The following KRT36 variants were observed in gnomAD, a reference collection of about 807,000 sequenced individuals.
KRT36 encodes keratin, type I cuticular Ha6.
In KRT36, 41 loss-of-function variants were observed where a neutral mutation model predicts 43.0. The ratio of observed to expected loss-of-function variants is 0.95; its 90% CI spans 0.74 to 1.24. The LOEUF (loss-of-function observed/expected upper bound fraction) is 1.24. KRT36 is among the 50% of genes most tolerant of loss of function. KRT36 has a pLI of 0.00. For synonymous variants in KRT36, 277 were observed against 252.9 expected, an observed-to-expected ratio of 1.10 and a Z score of -0.90; for missense variants, 627 against 595.3, an observed-to-expected ratio of 1.05 and a Z score of -0.55.
chr17:41,488,632 G>T lies in KRT36; in HGVS notation c.542+10C>A, dbSNP rs750618890. ...GGCATGGCAAACCTTCCCTGATCAGGCCCACTCACTTGGTCCGGAAGTCGT... is the reference window on the plus strand; with the variant it reads ...GGCATGGCAAACCTTCCCTGATCAGTCCCACTCACTTGGTCCGGAAGTCGT... On this transcript the variant is annotated intron_variant, in intron 2 of 6. Coordinates refer to ENST00000328119, the MANE Select transcript of KRT36 (RefSeq NM_003771.5). The T allele has an allele frequency of 1.2e-6, 2 of 1,613,104 alleles. No homozygotes were observed. The highest frequency in any genetic ancestry group is 1.1e-5 in the South Asian group (1 of 91,068).
chr17:41,487,408 G>T lies in KRT36; in HGVS notation c.930C>A (p.Ile310=). Reference sequence around the variant, plus strand: ...GCGCGTTGACCGTACGTCTCAGCTCGATGATCTCCGTCTGGCAGCACTGCA... The same window carrying T: ...GCGCGTTGACCGTACGTCTCAGCTCTATGATCTCCGTCTGGCAGCACTGCA... ...EQLQCCQTEI[I]ELRRTVNALE... is the part of the protein sequence containing the mutation. The change falls in exon 5 of 7, where the codon ATC becomes ATA. Residue 310 remains isoleucine, a synonymous_variant. Coordinates refer to ENST00000328119, the MANE Select transcript of KRT36 (RefSeq NM_003771.5). The T allele has an allele frequency of 1.2e-6, 2 of 1,613,922 alleles. No homozygotes were observed. The highest frequency in any genetic ancestry group is 1.7e-6 in the Non-Finnish European group (2 of 1,179,898).
At position 41,487,581 on chromosome 17, in the gene KRT36, T is replaced by C. The variant is rs767968407; in HGVS notation, c.856A>G (p.Thr286Ala). ...CCAGGGCACCCCAGCCCCACCTGGG[T>C]GTTGAACCAGGCCTCCACATCTCTG... Reference protein sequence around the residue: ...NRRDVEAWFNTQTEELNQQVV... With the variant: ...NRRDVEAWFNAQTEELNQQVV... The change falls in exon 4 of 7, where the codon ACC becomes GCC. Residue 286 changes from threonine to alanine, a missense_variant. By Grantham distance (58) the Thr-to-Ala change is moderately conservative. Coordinates refer to ENST00000328119, the MANE Select transcript of KRT36 (RefSeq NM_003771.5). 1 of 1,613,962 alleles carries C rather than the reference T, an allele frequency of 6.2e-7. No homozygotes were observed. Among genetic ancestry groups the C allele is most frequent in the South Asian group, 1.1e-5 (1 of 91,066 alleles).
At chr17:41,488,918 C>T (rs775277891) in intron 1 of KRT36, among the ~76,000 whole-genome samples, 194 bp from the exon 2 acceptor site, 5 of 152,196 alleles carry the variant, frequency 3.3e-5, no homozygotes, top group Non-Finnish European at 5.9e-5. Context: ...CAGTGACCAT[C>T]AGTCCTGGCG....
Position 41,489,673 on chromosome 17 carries a change from A to C in KRT36, c.192T>G (p.Pro64=), listed in dbSNP as rs1310576703. 1 of 1,614,206 alleles carries C rather than the reference A, an allele frequency of 6.2e-7. No homozygotes were observed. Among genetic ancestry groups the C allele is most frequent in the Non-Finnish European group, 8.5e-7 (1 of 1,180,030 alleles). The change falls in exon 1 of 7, where the codon CCT becomes CCG. Residue 64 remains proline (P), a synonymous_variant. Coordinates refer to ENST00000328119, the MANE Select transcript of KRT36 (RefSeq NM_003771.5). ...GGCACTCAGAAGACAGGTAGGAGCCAGGCAAGCAGCTCCCAAGGCCAGAGA... is the reference window on the plus strand; with the variant it reads ...GGCACTCAGAAGACAGGTAGGAGCCCGGCAAGCAGCTCCCAAGGCCAGAGA... ...SGLSGLGSCL[P]GSYLSSECHT... is the part of the protein sequence containing the mutation.
rs1250956315 is a variant in KRT36, at chr17:41,486,458, G to A, written c.1322C>T (p.Thr441Ile). The change falls in exon 7 of 7, where the codon ACT becomes ATT. Residue 441 changes from threonine (T) to isoleucine (I), a missense_variant. By Grantham distance (89) the Thr-to-Ile change is moderately conservative (BLOSUM62 -1). Coordinates refer to ENST00000328119, the MANE Select transcript of KRT36 (RefSeq NM_003771.5). ...VPCTPAPQVGTQIRTITEEIR... is the reference protein window; with the variant it reads ...VPCTPAPQVGIQIRTITEEIR... The stretch of plus-strand genomic sequence containing the variant: ...CTCCTCGGTGATGGTGCGGATCTGA[G>A]TGCCAACCTGGGGAGCCGGGGTGCA... 1.9e-6 allele frequency: 3 copies of A among 1,614,116 alleles called. No individual in the cohort carries two copies. Among genetic ancestry groups the A allele is most frequent in the South Asian group, 1.1e-5 (1 of 91,074 alleles).
rs1904502133 is a variant in KRT36, at chr17:41,489,505, C to T, written c.360G>A (p.Glu120=). The T allele has an allele frequency of 6.2e-7, 1 of 1,614,224 alleles. No individual in the cohort carries two copies. Among genetic ancestry groups the T allele is most frequent in the Non-Finnish European group, 8.5e-7 (1 of 1,180,042 alleles). ...KVRQLERENA[E]LESRIQEWYE... ...ACCACTCCTGGATGCGGCTCTCCAGCTCCGCGTTCTCCCGCTCCAGCTGAC... is the reference window on the plus strand; with the variant it reads ...ACCACTCCTGGATGCGGCTCTCCAGTTCCGCGTTCTCCCGCTCCAGCTGAC... The change falls in exon 1 of 7, where the codon GAG becomes GAA. Residue 120 remains glutamate (E), a synonymous_variant. Coordinates refer to ENST00000328119, the MANE Select transcript of KRT36 (RefSeq NM_003771.5).
rs1181341426 is a variant in KRT36, at chr17:41,486,453, T to C, written c.1327A>G (p.Ile443Val). ...CTGATCTCCTCGGTGATGGTGCGGATCTGAGTGCCAACCTGGGGAGCCGGG... is the reference window on the plus strand; with the variant it reads ...CTGATCTCCTCGGTGATGGTGCGGACCTGAGTGCCAACCTGGGGAGCCGGG... ...CTPAPQVGTQ[I>V]RTITEEIRDG... The change falls in exon 7 of 7, where the codon ATC becomes GTC. Residue 443 changes from isoleucine (I) to valine (V), a missense_variant. Ile to Val is a conservative substitution (Grantham distance 29, BLOSUM62 3). Transcript: ENST00000328119. 1.2e-6 allele frequency: 2 copies of C among 1,613,934 alleles called. No individual in the cohort carries two copies. Among genetic ancestry groups the C allele is most frequent in the Non-Finnish European group, 1.7e-6 (2 of 1,179,988 alleles).
chr17:41,488,316 C>T lies in KRT36; in HGVS notation c.626G>A (p.Cys209Tyr), dbSNP rs1904462509. 6.8e-6 allele frequency: 11 copies of T among 1,614,186 alleles called. No homozygotes were observed. Among genetic ancestry groups the T allele is most frequent in the Non-Finnish European group, 7.6e-6 (9 of 1,180,012 alleles). The change falls in exon 3 of 7, where the codon TGC (cysteine) becomes TAC (tyrosine). Residue 209 changes from cysteine to tyrosine, a missense_variant. By Grantham distance (194) the Cys-to-Tyr change is radical. Transcript: ENST00000328119. Reference protein sequence around the residue: ...LRRILDELTLCKADLEAQVES... With the variant: ...LRRILDELTLYKADLEAQVES... The stretch of plus-strand genomic sequence containing the variant: ...CACCTGAGCCTCCAGGTCAGCCTTG[C>T]ACAGGGTCAGCTCATCCAGGATCCT...
intron 5 of KRT36, 47 bp from the exon 6 acceptor site, chr17:41,487,217 G>A (rs759174111): frequency 6.3e-7 from 1 of 1,587,686 alleles, no homozygotes; most frequent in South Asian, 1.1e-5. Flanking sequence ...GGAATCCCCT[G>A]ACCCCAGAAA....
rs140841887 is a variant in KRT36, at chr17:41,487,014, C to G, written c.1144G>C (p.Val382Leu). 4.3e-6 allele frequency: 7 copies of G among 1,614,012 alleles called. No homozygotes were observed. Among genetic ancestry groups the G allele is most frequent in the African/African-American group, 2.7e-5 (2 of 74,928 alleles). ...ATCTCGCCCTCCAGCCGGGCCTTGACGTCCAGTAACACCTGGTACTCCTGG... is the reference window on the plus strand; with the variant it reads ...ATCTCGCCCTCCAGCCGGGCCTTGAGGTCCAGTAACACCTGGTACTCCTGG... ...QNQEYQVLLD[V>L]KARLEGEIAT... is the part of the protein sequence containing the mutation. Residue 382 changes from valine (V) to leucine (L), a missense_variant, in exon 6 of 7, where the codon GTC becomes CTC. By Grantham distance (32) the Val-to-Leu change is conservative (BLOSUM62 1). Coordinates refer to ENST00000328119, the MANE Select transcript of KRT36 (RefSeq NM_003771.5).
Position 41,487,397 on chromosome 17 carries a change from C to T in KRT36, c.941G>A (p.Arg314His), listed in dbSNP as rs1430111265. The change falls in exon 5 of 7, where the codon CGT becomes CAT. Residue 314 changes from arginine to histidine, a missense_variant. Coordinates refer to ENST00000328119, the MANE Select transcript of KRT36 (RefSeq NM_003771.5). ...CTCAATCTCTAGCGCGTTGACCGTA[C>T]GTCTCAGCTCGATGATCTCCGTCTG... ...CCQTEIIELRRTVNALEIELQ... is the reference protein window; with the variant it reads ...CCQTEIIELRHTVNALEIELQ... The T allele has an allele frequency of 6.8e-6, 11 of 1,613,616 alleles. No homozygotes were observed. Among genetic ancestry groups the T allele is most frequent in the Admixed American group, 6.7e-5 (4 of 59,990 alleles).
Position 41,489,838 on chromosome 17 carries a change from G to A in KRT36, c.27C>T (p.Thr9=), listed in dbSNP as rs529324683. ...GGCCCTTGATAGACCCAGTGGAGAA[G>A]GTAGGGGTGCAGGTCTGGGTGGCCA... is the stretch of plus-strand genomic sequence containing the variant. MATQTCTP[T]FSTGSIKGLC... The change falls in exon 1 of 7, where the codon ACC becomes ACT. Residue 9 remains threonine (T), a synonymous_variant. Transcript: ENST00000328119. 6 of 1,613,264 alleles carry A rather than the reference G, an allele frequency of 3.7e-6. No individual in the cohort carries two copies. The highest frequency in any genetic ancestry group is 1.6e-4 in the Middle Eastern group (1 of 6,062).
At chr17:41,488,800 A>C in intron 1 of KRT36, 76 bp from the exon 2 acceptor site, 13 of 1,221,880 alleles carry the variant, frequency 1.1e-5, no homozygotes, top group Non-Finnish European at 1.5e-5. Flanking sequence ...AGCTCAGCTC[A>C]CAGAGGCCAT....
rs776937464 is a variant in KRT36, at chr17:41,488,203, G to A, written c.699+40C>T. 8.1e-6 allele frequency: 13 copies of A among 1,598,490 alleles called. No individual in the cohort carries two copies. The African/African-American group carries it at 1.3e-4, about 16-fold the overall frequency. ...AAGCCCAGCAGTGGCTTCCTAAGCT[G>A]GATGGGAAACACTGGGAAGTCACAT... is the stretch of plus-strand genomic sequence containing the variant. On this transcript the variant is annotated intron_variant, in intron 3 of 6. Coordinates refer to ENST00000328119, the MANE Select transcript of KRT36 (RefSeq NM_003771.5).
rs999356732 is a variant in KRT36 at position 41,487,134 on chromosome 17, C to T, written c.1024G>A (p.Ala342Thr). Residue 342 changes from alanine to threonine, a missense_variant, in exon 6 of 7, where the codon GCC becomes ACC. Physicochemically the swap from Ala to Thr is moderately conservative, Grantham distance 58. Transcript: ENST00000328119. ...TGGGCCAGCTGGGAGCTGTAGCGGGCCTCGGTTTCGGCCAGGGTGGATTCC... is the reference window on the plus strand; with the variant it reads ...TGGGCCAGCTGGGAGCTGTAGCGGGTCTCGGTTTCGGCCAGGGTGGATTCC... The part of the protein sequence containing the change: ...SLESTLAETE[A>T]RYSSQLAQMQ... The T allele has an allele frequency of 5.0e-6, 8 of 1,613,884 alleles. No individual in the cohort carries two copies. The highest frequency in any genetic ancestry group is 6.8e-6 in the Non-Finnish European group (8 of 1,179,888).
Position 41,489,839 on chromosome 17 carries a change from G to A in KRT36, c.26C>T (p.Thr9Ile). 2.5e-6 allele frequency: 4 copies of A among 1,613,178 alleles called. No individual in the cohort carries two copies. Among genetic ancestry groups the A allele is most frequent in the East Asian group, 4.5e-5 (2 of 44,844 alleles). Residue 9 changes from threonine to isoleucine, a missense_variant, in exon 1 of 7, where the codon ACC becomes ATC. Transcript: ENST00000328119. MATQTCTP[T>I]FSTGSIKGLC... is the part of the protein sequence containing the mutation. ...GCCCTTGATAGACCCAGTGGAGAAG[G>A]TAGGGGTGCAGGTCTGGGTGGCCAT...
rs1018250852 is a variant in KRT36 at position 41,488,466 on chromosome 17, T to C, written c.543-67A>G. The C allele has an allele frequency of 7.6e-6, 12 of 1,582,570 alleles. No homozygotes were observed. In the African/African-American group the frequency reaches 1.6e-4, roughly 21 times the overall value. On this transcript the variant is annotated intron_variant, in intron 2 of 6. Coordinates refer to ENST00000328119, the MANE Select transcript of KRT36 (RefSeq NM_003771.5). ...CACACACCAGCAGGGACCCCTGCCC[T>C]ACTGTCCAGCTGCAGTGGCTGACGG...
At position 41,486,960 on chromosome 17, in the gene KRT36, C is replaced by G. The variant is rs906428941; in HGVS notation, c.1198G>C (p.Glu400Gln). The G allele has an allele frequency of 5.6e-6, 9 of 1,612,556 alleles. No homozygotes were observed. Among genetic ancestry groups the G allele is most frequent in the African/African-American group, 1.3e-5 (1 of 74,880 alleles). The stretch of plus-strand genomic sequence containing the variant: ...CCAAGGGCCACTCACTTGCAGTCCT[C>G]TCCCTCCAGCAGGTGGCGGTAGGTA... ...IATYRHLLEG[E>Q]DCKLPPQPCA... is the part of the protein sequence containing the mutation. The change falls in exon 6 of 7, where the codon GAG becomes CAG. Residue 400 changes from glutamate (E) to glutamine (Q), a missense_variant. By Grantham distance (29) the Glu-to-Gln change is conservative. Coordinates refer to ENST00000328119, the MANE Select transcript of KRT36 (RefSeq NM_003771.5).
In KRT36 at chr17:41,488,669, T is replaced by TTGGCATTATCAATCTGCAGGACCAGCC; in HGVS notation, c.488_514dup (p.Arg163_Ala171dup). 1 of 1,614,198 alleles carries TTGGCATTATCAATCTGCAGGACCAGCC rather than the reference T, an allele frequency of 6.2e-7. No individual in the cohort carries two copies. The highest frequency in any genetic ancestry group is 8.5e-7 in the Non-Finnish European group (1 of 1,180,014). ...GGTCCGGAAGTCGTCAGCAGCCAGCTTGGCATTATCAATCTGCAGGACCAG... is the reference window on the plus strand; with the variant it reads ...GGTCCGGAAGTCGTCAGCAGCCAGCTTGGCATTATCAATCTGCAGGACCAGCCTGGCATTATCAATCTGCAGGACCAG... On this transcript the variant is annotated inframe_insertion, in exon 2 of 7. Transcript: ENST00000328119.
Sources: allele counts gnomAD v4.1 joint callset (sites outside exome capture counted in the v4.1 genomes callset), GRCh38; gene constraint gnomAD v4.1.1; transcripts MANE v1.5; gene names NCBI Gene and HGNC (gene_info 2026-07-23, HGNC 2026-07-21).